Variants in FCHSD2 observed in about 807,000 individuals in gnomAD.
FCHSD2 encodes the protein FCH and double SH3 domains 2.
Under a neutral mutation model 108.1 loss-of-function variants are expected in FCHSD2, and 38 were observed. The ratio of observed to expected loss-of-function variants is 0.35; its 90% CI spans 0.27 to 0.46. The LOEUF is 0.46. FCHSD2 is among the 20% of genes least tolerant of loss of function. FCHSD2 has a pLI of 1.00. For synonymous variants in FCHSD2, 279 were observed against 314.7 expected (o/e 0.89, Z 1.20); for missense variants, 751 against 897.8 (o/e 0.84, Z 2.09).
At chr11:72,844,588 G>A (rs561179258) in intron 14 of FCHSD2, among the ~76,000 whole-genome samples, 22 of 152,246 alleles carry the variant, frequency 1.4e-4, no homozygotes, top group African/African-American at 4.6e-4. Flanking sequence ...TGGAAAGTCC[G>A]TGTGGCTTTG....
intron 2 of FCHSD2, among the ~76,000 whole-genome samples, chr11:73,112,571 T>A (rs1035290788): frequency 6.6e-6 from 1 of 152,202 alleles, no homozygotes; most frequent in African/African-American, 2.4e-5. Context: ...TCCCCGTGAA[T>A]AAACTTTCTA....
At chr11:73,070,341 T>C (rs1459335940) in intron 3 of FCHSD2, among the ~76,000 whole-genome samples, 1 of 152,218 alleles carries the variant, frequency 6.6e-6, no homozygotes, top group Non-Finnish European at 1.5e-5. Flanking sequence ...ACAGCCTATA[T>C]ATCCCAACCT....
chr11:73,094,103 C>A lies in FCHSD2; in HGVS notation c.120-10363G>T, dbSNP rs534275616. Among the ~76,000 whole-genome samples the A allele has an allele frequency of 2.0e-5, 3 of 151,914 alleles. No homozygotes were observed. The East Asian group carries it at 5.9e-4, about 30-fold the overall frequency. On this transcript the variant is annotated intron_variant, in intron 2 of 19. Coordinates refer to ENST00000409418, the MANE Select transcript of FCHSD2 (RefSeq NM_014824.3). ...GCGCACATCTGTAATCCCAGCTACC[C>A]GGGAGGCTGAGGCAAGAGAATCACT...
chr11:73,043,744 T>C (rs545517758), intron 3 of FCHSD2, among the ~76,000 whole-genome samples: 1 of 152,342 alleles, frequency 6.6e-6, no homozygotes, highest in African/African-American at 2.4e-5. Flanking sequence ...AGATATGATA[T>C]GTGTTACATT....
chr11:72,988,917 A>G, intron 6 of FCHSD2, 47 bp downstream of exon 6: 1 of 1,523,968 alleles, frequency 6.6e-7, no homozygotes, highest in Non-Finnish European at 8.9e-7. Flanking sequence ...TAGCAACAAT[A>G]ACATTTATTT....
chr11:72,856,136 T>C (rs1861423298), intron 13 of FCHSD2, among the ~76,000 whole-genome samples: 1 of 152,168 alleles, frequency 6.6e-6, no homozygotes, highest in East Asian at 1.9e-4. Flanking sequence ...ATCAAATATC[T>C]ACTGTATGTA....
intron 3 of FCHSD2, among the ~76,000 whole-genome samples, chr11:73,058,382 T>C (rs1859080373): frequency 6.6e-6 from 1 of 152,136 alleles, no homozygotes; most frequent in South Asian, 2.1e-4. Context: ...CAGTGTGACA[T>C]GGTATGGCTA....
chr11:72,994,790 T>C (rs146778682), intron 5 of FCHSD2, among the ~76,000 whole-genome samples: 3 of 151,972 alleles, frequency 2.0e-5, no homozygotes, highest in African/African-American at 4.8e-5. Context: ...AAAAAAGATA[T>C]AGTGCAAACT....
At chr11:72,931,126 C>T (rs544321051) in intron 8 of FCHSD2, among the ~76,000 whole-genome samples, 6 of 148,670 alleles carry the variant, frequency 4.0e-5, no homozygotes, top group African/African-American at 9.9e-5. Context: ...AAAGGAGTCG[C>T]GCTGTGTCAC....
chr11:72,849,676 G>A, intron 14 of FCHSD2, 79 bp downstream of exon 14: 1 of 1,113,704 alleles, frequency 9.0e-7, no homozygotes, highest in Admixed American at 2.0e-5. Flanking sequence ...AGTACAGCTT[G>A]AGAGACTGGA....
chr11:72,911,734 G>A (rs928633892), intron 9 of FCHSD2, among the ~76,000 whole-genome samples: 3 of 151,872 alleles, frequency 2.0e-5, no homozygotes, highest in African/African-American at 7.3e-5. Context: ...GTGCAGGTTA[G>A]TTACATATGT....
At chr11:72,869,126 C>A (rs931354453) in intron 12 of FCHSD2, among the ~76,000 whole-genome samples, 1 of 151,998 alleles carries the variant, frequency 6.6e-6, no homozygotes, top group Non-Finnish European at 1.5e-5. Context: ...AGGCTGGTGT[C>A]GAACTCCTGA....
chr11:72,968,170 C>T (rs1856948563), intron 8 of FCHSD2, among the ~76,000 whole-genome samples: 1 of 151,846 alleles, frequency 6.6e-6, no homozygotes, highest in African/African-American at 2.4e-5. Flanking sequence ...CAATTTTATC[C>T]TAAGGGCGAT....
intron 9 of FCHSD2, among the ~76,000 whole-genome samples, chr11:72,917,457 T>G (rs780711750): frequency 3.3e-5 from 5 of 152,272 alleles, no homozygotes; most frequent in Non-Finnish European, 5.9e-5. Flanking sequence ...TGTCTATACT[T>G]ATGTCCATAC....
At chr11:72,902,048 T>TA (rs1855538226) in intron 10 of FCHSD2, among the ~76,000 whole-genome samples, 2 of 152,206 alleles carry the variant, frequency 1.3e-5, no homozygotes, top group South Asian at 4.1e-4. Flanking sequence ...CTAATTTTTG[T>TA]ATTTTTAGTA....
intron 3 of FCHSD2, among the ~76,000 whole-genome samples, chr11:73,078,338 G>A (rs1379399582): frequency 2.6e-5 from 4 of 152,048 alleles, no homozygotes; most frequent in African/African-American, 4.8e-5. Flanking sequence ...TCTACCCCCA[G>A]ACATATACCA....
intron 13 of FCHSD2, among the ~76,000 whole-genome samples, chr11:72,860,238 T>G (rs943807091): frequency 2.0e-5 from 3 of 152,218 alleles, no homozygotes; most frequent in African/African-American, 7.2e-5. Context: ...GGTAAAAGGT[T>G]CGTTCCAGTC....
intron 3 of FCHSD2, among the ~76,000 whole-genome samples, chr11:73,082,198 G>A (rs1025129392): frequency 7.9e-5 from 12 of 151,848 alleles, no homozygotes; most frequent in South Asian, 4.1e-4. Context: ...TTAGCTGGGC[G>A]TGATGGCGTG....
intron 8 of FCHSD2, among the ~76,000 whole-genome samples, chr11:72,982,509 A>G (rs965169615): frequency 6.6e-6 from 1 of 152,266 alleles, no homozygotes; most frequent in African/African-American, 2.4e-5. Flanking sequence ...AACAGGAAAG[A>G]ATGACAGATA....
Sources: allele counts gnomAD v4.1 joint callset (sites outside exome capture counted in the v4.1 genomes callset), GRCh38; gene constraint gnomAD v4.1.1; transcripts MANE v1.5; gene names NCBI Gene and HGNC (gene_info 2026-07-23, HGNC 2026-07-21).